The following CELF2 variants were observed in gnomAD, a reference collection of about 807,000 sequenced individuals.
CELF2 encodes CUGBP Elav-like family member 2.
In CELF2, 8 loss-of-function variants were observed where a neutral mutation model predicts 62.6. That is an observed-to-expected ratio of 0.13 (90% confidence interval 0.07 to 0.23). CELF2 has a LOEUF of 0.23. CELF2 is among the 10% of genes least tolerant of loss of function. CELF2 has a pLI of 1.00. For missense variants in CELF2, 333 were observed against 671.0 expected (o/e 0.50, Z 5.56); for synonymous variants, 258 against 250.0 (o/e 1.03, Z -0.30).
rs139624640 is a variant in CELF2 at position 10,958,984 on chromosome 10, C to T, written c.89+38985C>T. On this transcript the variant is annotated intron_variant, in intron 2 of 13. Coordinates refer to the CELF2 transcript ENST00000636488. ...AGAAGTCTTGGATCCAGGCTGGGCA[C>T]GGTGGCTCACACCTGTAATCCCAGC... 1.4e-4 allele frequency among the ~76,000 whole-genome samples: 22 copies of T among 152,112 alleles called. No individual in the cohort carries two copies. The East Asian group carries it at 3.7e-3, about 25-fold the overall frequency.
intron 2 of CELF2, among the ~76,000 whole-genome samples, chr10:10,950,391 G>T (rs953979630): frequency 1.3e-5 from 2 of 152,294 alleles, no homozygotes; most frequent in African/African-American, 2.4e-5. Flanking sequence ...AAAGAGTCAG[G>T]ATTTCACATG....
the CELF2 span, among the ~76,000 whole-genome samples, chr10:10,612,630 C>T: frequency 6.6e-6 from 1 of 152,176 alleles, no homozygotes; most frequent in Non-Finnish European, 1.5e-5. Context: ...TCAATTTCTC[C>T]AGGTCTCCAT....
intron 2 of CELF2, among the ~76,000 whole-genome samples, chr10:11,210,728 G>A (rs1024990560): frequency 2.0e-5 from 3 of 152,130 alleles, no homozygotes; most frequent in Non-Finnish European, 2.9e-5. Flanking sequence ...CTTGCTACGC[G>A]GGGTCAGCTC....
chr10:10,573,804 T>C, the CELF2 span, among the ~76,000 whole-genome samples: 1 of 145,064 alleles, frequency 6.9e-6, no homozygotes, highest in East Asian at 1.9e-4. Context: ...AAAATATTCA[T>C]TGAGATCCTC....
At position 10,990,677 on chromosome 10, in the gene CELF2, A is replaced by T. The variant is rs114905219; in HGVS notation, c.89+70678A>T. On this transcript the variant is annotated intron_variant, in intron 2 of 13. Transcript: ENST00000636488. The surrounding 1 kb of genome is among the most constrained non-coding windows in gnomAD (Gnocchi z 4.6). The stretch of plus-strand genomic sequence containing the variant: ...TGTAGCAAGATGCTAAATAAAGGCT[A>T]AAAAAGATAATGATCTTCCAGAGAT... 6.7e-3 allele frequency among the ~76,000 whole-genome samples: 1,019 copies of T among 152,310 alleles called. 9 individuals carry two copies. Among genetic ancestry groups the T allele is most frequent in the African/African-American group, 0.023 (958 of 41,566 alleles).
the CELF2 span, among the ~76,000 whole-genome samples, chr10:10,687,823 T>G: frequency 3.3e-5 from 5 of 152,326 alleles, no homozygotes; most frequent in South Asian, 2.1e-4. Flanking sequence ...TCCTACCCAC[T>G]GTCAATTTGC....
chr10:10,848,776 A>G (rs1195951461), intron 1 of CELF2, among the ~76,000 whole-genome samples: 1 of 152,208 alleles, frequency 6.6e-6, no homozygotes, highest in African/African-American at 2.4e-5. Flanking sequence ...GAAATACGGT[A>G]GAGTTTCTTC....
In CELF2 at chr10:11,329,217, C is replaced by T. The variant is rs1289915095; in HGVS notation, c.*164C>T. ...GCCTCCATGTCCCCACCCACTTCCC[C>T]TACCCAGTTTGCCATAATTAAAACT... On this transcript the variant is annotated 3_prime_UTR_variant, in exon 13 of 13. Transcript: ENST00000633077. This position sits in a 1 kb window ranked among gnomAD's most constrained non-coding sequence, Gnocchi z 5.5. 1.8e-6 allele frequency: 1 copy of T among 559,596 alleles called. No individual in the cohort carries two copies. The highest frequency in any genetic ancestry group is 2.8e-6 in the Non-Finnish European group (1 of 352,334). 34.7% of individuals were successfully genotyped at this position (559,596 alleles called of 1,614,324 possible).
At chr10:10,776,903 C>T in the CELF2 span, among the ~76,000 whole-genome samples, 2 of 152,242 alleles carry the variant, frequency 1.3e-5, no homozygotes, top group Admixed American at 1.3e-4. Context: ...CAAAGGTCAA[C>T]ACGTCCTCCG....
At chr10:10,705,778 T>A in the CELF2 span, among the ~76,000 whole-genome samples, 2,761 of 152,288 alleles carry the variant, frequency 0.018, 44 homozygotes, top group African/African-American at 0.043. Context: ...GGCAACCTCG[T>A]AACACAGGAG....
chr10:11,271,870 G>A (rs1389903334), intron 7 of CELF2, among the ~76,000 whole-genome samples: 1 of 152,082 alleles, frequency 6.6e-6, no homozygotes, highest in Non-Finnish European at 1.5e-5. Flanking sequence ...ATTCCACCTT[G>A]GAAGGTGAGA....
At chr10:10,490,640 C>G in the CELF2 span, among the ~76,000 whole-genome samples, 12 of 151,854 alleles carry the variant, frequency 7.9e-5, no homozygotes, top group Admixed American at 6.6e-5. Context: ...CAGGTACACA[C>G]ACATTACATA....
chr10:10,868,164 T>A (rs2060502124), intron 1 of CELF2, among the ~76,000 whole-genome samples: 1 of 152,198 alleles, frequency 6.6e-6, no homozygotes, highest in African/African-American at 2.4e-5. Flanking sequence ...AAATGACAGT[T>A]GATTATCTCT....
At chr10:10,639,361 T>C in the CELF2 span, among the ~76,000 whole-genome samples, 1 of 152,208 alleles carries the variant, frequency 6.6e-6, no homozygotes, top group Admixed American at 6.5e-5. Context: ...CCTCTTTGAA[T>C]ATTAAAAGAG....
the CELF2 span, among the ~76,000 whole-genome samples, chr10:10,645,904 G>A: frequency 5.9e-5 from 9 of 152,186 alleles, no homozygotes; most frequent in Admixed American, 4.6e-4. Flanking sequence ...AGGGTAACTC[G>A]TTCTGGTTTT....
chr10:10,616,603 A>G, the CELF2 span, among the ~76,000 whole-genome samples: 5 of 151,834 alleles, frequency 3.3e-5, no homozygotes, highest in African/African-American at 1.2e-4. Flanking sequence ...TATTTAGGCC[A>G]GAGAGAGGCT....
intron 7 of CELF2, among the ~76,000 whole-genome samples, chr10:11,274,081 A>ATTGTTCCTCCTGT (rs1219179282): frequency 6.6e-6 from 1 of 151,878 alleles, no homozygotes; most frequent in African/African-American, 2.4e-5. Flanking sequence ...CCTCCTGAGC[A>ATTGTTCCTCCTGT]CACAATGTGA....
At position 11,199,599 on chromosome 10, in the gene CELF2, A is replaced by G. The variant is rs191708044; in HGVS notation, c.272-17826A>G. 1.4e-4 allele frequency among the ~76,000 whole-genome samples: 22 copies of G among 152,284 alleles called. No individual in the cohort carries two copies. In the Middle Eastern group the frequency reaches 0.01, roughly 71 times the overall value. On this transcript the variant is annotated intron_variant, in intron 2 of 12. Transcript: ENST00000633077. ...TCTCTTGAAAAATGTGGTAAATTCC[A>G]TGAAATTCATTTCTAGTCACAGTTA...
chr10:10,566,883 C>A, the CELF2 span, among the ~76,000 whole-genome samples: 1 of 152,006 alleles, frequency 6.6e-6, no homozygotes, highest in South Asian at 2.1e-4. Flanking sequence ...CCTCTTCCAC[C>A]GATCTCTACT....
Sources: gnomAD v4.1 joint callset for allele counts (sites outside exome capture counted in the v4.1 genomes callset) on GRCh38, gnomAD v4.1.1 for gene constraint, Gnocchi (gnomAD v3.1) non-coding constraint, MANE v1.5 for transcripts, NCBI Gene and HGNC (gene_info 2026-07-23, HGNC 2026-07-21) for gene names.